DNAH7: variants seen among roughly 807,000 people sequenced by gnomAD.
DNAH7 encodes dynein axonemal heavy chain 7.
Under a neutral mutation model 444.6 loss-of-function variants are expected in DNAH7, and 397 were observed. The observed-to-expected ratio is 0.89, with a 90% CI of 0.82 to 0.97. The LOEUF (loss-of-function observed/expected upper bound fraction) is 0.97, where lower values mean the gene tolerates loss of function less well. Among genes scored for constraint, DNAH7 ranks in the 50% least tolerant of loss-of-function variants. The pLI is 0.00. For missense variants in DNAH7, 4,902 were observed against 4,800.8 expected (o/e 1.02, Z -0.62); for synonymous variants, 1,636 against 1,624.4 (o/e 1.01, Z -0.17).
Position 195,864,593 on chromosome 2 carries a change from A to C in DNAH7, c.7062T>G (p.Ala2354=). 3 of 1,614,180 alleles carry C rather than the reference A, an allele frequency of 1.9e-6. No individual in the cohort carries two copies. Among genetic ancestry groups the C allele is most frequent in the Non-Finnish European group, 2.5e-6 (3 of 1,180,026 alleles). The change falls in exon 41 of 65, where the codon GCT becomes GCG. Residue 2354 remains alanine, a synonymous_variant. Transcript: ENST00000312428. ...GSGRQSVTRL[A]AHMADYSVFQ... ...AAACTGAATAATCAGCCATGTGGGC[A>C]GCTAATCTGGTGACAGACTGCCTTC...
intron 10 of DNAH7, among the ~76,000 whole-genome samples, chr2:196,008,619 G>A (rs1694530547): frequency 6.6e-6 from 1 of 152,152 alleles, no homozygotes; most frequent in Non-Finnish European, 1.5e-5. Flanking sequence ...ATGACATATT[G>A]ATACATGCTA....
intron 40 of DNAH7, among the ~76,000 whole-genome samples, chr2:195,868,094 T>C (rs482614): frequency 0.014 from 1,892 of 138,972 alleles, 53 homozygotes; most frequent in African/African-American, 0.048. Context: ...TTCATCTTTT[T>C]TTTTTTTTTT....
intron 40 of DNAH7, among the ~76,000 whole-genome samples, chr2:195,869,037 G>T (rs1383625698): frequency 6.6e-6 from 1 of 151,848 alleles, no homozygotes; most frequent in African/African-American, 2.4e-5. Flanking sequence ...GCTAAAGGTG[G>T]GGTCCTTGTT....
intron 63 of DNAH7, among the ~76,000 whole-genome samples, chr2:195,746,814 A>G (rs1368527955): frequency 1.3e-5 from 2 of 152,176 alleles, no homozygotes; most frequent in Non-Finnish European, 1.5e-5. Context: ...CAAAGACACA[A>G]CATACCAGAA....
chr2:195,849,197 T>G (rs1469336265), intron 46 of DNAH7, among the ~76,000 whole-genome samples: 2 of 152,232 alleles, frequency 1.3e-5, no homozygotes, highest in Non-Finnish European at 2.9e-5. Context: ...GGAATACCCT[T>G]AAGCTAAATT....
At chr2:196,050,120 C>G (rs1697375036) in intron 3 of DNAH7, among the ~76,000 whole-genome samples, 1 of 152,168 alleles carries the variant, frequency 6.6e-6, no homozygotes, top group Non-Finnish European at 1.5e-5. Flanking sequence ...GTAATATTCT[C>G]TGTACAAAGC....
At chr2:195,841,147 T>G (rs1378349702) in intron 47 of DNAH7, among the ~76,000 whole-genome samples, 1 of 151,834 alleles carries the variant, frequency 6.6e-6, no homozygotes, top group Non-Finnish European at 1.5e-5. Context: ...AACAAAGACG[T>G]AAAGGCAATC....
intron 1 of DNAH7, 136 bp downstream of exon 1, chr2:196,068,561 C>A: frequency 1.7e-6 from 2 of 1,187,618 alleles, no homozygotes; most frequent in Non-Finnish European, 2.4e-6. Flanking sequence ...ACCCAGGCCA[C>A]AAGTGGGGTG....
rs1687272230 is a variant in DNAH7 at position 195,910,168 on chromosome 2, G to T, written c.3963C>A (p.His1321Gln). 6.2e-7 allele frequency: 1 copy of T among 1,611,450 alleles called. No homozygotes were observed. Among genetic ancestry groups the T allele is most frequent in the South Asian group, 1.1e-5 (1 of 90,586 alleles). ...YRTLFGALHLHLGGAPEGPAG... is the reference protein window; with the variant it reads ...YRTLFGALHLQLGGAPEGPAG... The stretch of plus-strand genomic sequence containing the variant: ...CTGGACCCTCAGGTGCTCCTCCAAG[G>T]TGCAAATGAAGGGCTCCAAATAAGG... Residue 1321 changes from histidine to glutamine, a missense_variant, in exon 25 of 65, where the codon CAC becomes CAA. Physicochemically the swap from His to Gln is conservative, Grantham distance 24. Transcript: ENST00000312428.
chr2:195,849,582 C>A (rs1699225498), intron 46 of DNAH7, among the ~76,000 whole-genome samples: 1 of 151,958 alleles, frequency 6.6e-6, no homozygotes, highest in African/African-American at 2.4e-5. Flanking sequence ...TTGCTTCTGG[C>A]ATGTTTTATT....
chr2:195,758,607 C>A lies in DNAH7; in HGVS notation c.11434-2322G>T, dbSNP rs1231010317. ...AAATCAGGTGAATGACCACAGTACC[C>A]AGTTTTAACTTTAATCACTGAAAGA... On this transcript the variant is annotated intron_variant, in intron 61 of 64. Coordinates refer to ENST00000312428, the MANE Select transcript of DNAH7 (RefSeq NM_018897.3). Among the ~76,000 whole-genome samples, 5 of 152,254 alleles carry A rather than the reference C, an allele frequency of 3.3e-5. No homozygotes were observed. The South Asian group carries it at 1.0e-3, about 32-fold the overall frequency.
At chr2:195,913,960 T>C (rs984122399) in intron 24 of DNAH7, among the ~76,000 whole-genome samples, 3 of 152,196 alleles carry the variant, frequency 2.0e-5, no homozygotes, top group Non-Finnish European at 4.4e-5. Flanking sequence ...GTGATCTGCC[T>C]GCCTTGGCCT....
At chr2:195,849,313 A>G (rs2125027101) in intron 46 of DNAH7, among the ~76,000 whole-genome samples, 1 of 152,310 alleles carries the variant, frequency 6.6e-6, no homozygotes, top group East Asian at 1.9e-4. Flanking sequence ...ATAGCCAAAG[A>G]TAATCTTCCT....
chr2:195,872,521 T>A, intron 39 of DNAH7, 52 bp from the exon 40 acceptor site: 1 of 1,259,826 alleles, frequency 7.9e-7, no homozygotes, highest in Admixed American at 2.1e-5. Context: ...ATTATAGAAT[T>A]ACGACACAAA....
chr2:195,761,560 A>G (rs1694353290), intron 61 of DNAH7, among the ~76,000 whole-genome samples: 1 of 152,152 alleles, frequency 6.6e-6, no homozygotes, highest in Non-Finnish European at 1.5e-5. Flanking sequence ...AAAGGTAGTA[A>G]AATAAAGAAA....
chr2:195,964,526 G>GTTTTT (rs34416268), intron 17 of DNAH7, among the ~76,000 whole-genome samples: 1 of 119,094 alleles, frequency 8.4e-6, no homozygotes, highest in Non-Finnish European at 1.8e-5. Flanking sequence ...AGTTCTAATA[G>GTTTTT]TTTTTTTTTT....
intron 17 of DNAH7, among the ~76,000 whole-genome samples, chr2:195,968,393 G>A (rs1691622944): frequency 6.6e-6 from 1 of 152,156 alleles, no homozygotes; most frequent in South Asian, 2.1e-4. Context: ...TTCCAGCCCA[G>A]GGTATGTCTA....
At chr2:195,868,326 C>T (rs764162837) in intron 40 of DNAH7, among the ~76,000 whole-genome samples, 12 of 151,614 alleles carry the variant, frequency 7.9e-5, no homozygotes, top group East Asian at 3.9e-4. Flanking sequence ...CCTCATGATC[C>T]GCCTGCCTCG....
At chr2:195,878,757 A>G (rs1701201097) in intron 36 of DNAH7, among the ~76,000 whole-genome samples, 1 of 152,258 alleles carries the variant, frequency 6.6e-6, no homozygotes, top group Admixed American at 6.5e-5. Context: ...TGTAATTAAT[A>G]TAAAAAACTT....
Sources: allele counts gnomAD v4.1 joint callset (sites outside exome capture counted in the v4.1 genomes callset), GRCh38; gene constraint gnomAD v4.1.1; transcripts MANE v1.5; gene names NCBI Gene and HGNC (gene_info 2026-07-23, HGNC 2026-07-21).